Variants in DDX31 observed in about 807,000 individuals in gnomAD.
DDX31 encodes DEAD-box helicase 31.
DDX31 carries 70 observed loss-of-function variants against 91.3 expected under a neutral mutation model. That is an observed-to-expected ratio of 0.77 (90% CI 0.63 to 0.94). DDX31 has a LOEUF of 0.94. DDX31 is among the 40% of genes least tolerant of loss of function. The probability of loss-of-function intolerance (pLI) is 0.00; values close to 1 mark genes in which losing one functional copy is unlikely to be tolerated. For missense variants in DDX31, 902 were observed against 925.0 expected, an observed-to-expected ratio of 0.98 and a Z score of 0.32; for synonymous variants, 362 against 350.6, an observed-to-expected ratio of 1.03 and a Z score of -0.36.
chr9:132,658,544 T>A, intron 6 of DDX31, 127 bp downstream of exon 6: 1 of 825,000 alleles, frequency 1.2e-6, no homozygotes, highest in East Asian at 2.5e-5. Flanking sequence ...AATAAATAAA[T>A]TAAAAGGAGG....
At chr9:132,631,315 C>G (rs76877665) in intron 15 of DDX31, among the ~76,000 whole-genome samples, 25 of 152,246 alleles carry the variant, frequency 1.6e-4, no homozygotes, top group African/African-American at 6.0e-4. Flanking sequence ...GCCTCCCATA[C>G]ATTAAAATTG....
intron 19 of DDX31, among the ~76,000 whole-genome samples, chr9:132,606,721 G>A (rs937949503): frequency 6.6e-6 from 1 of 152,138 alleles, no homozygotes. Flanking sequence ...TAAGTGGCCC[G>A]GCCAGGATTC....
At chr9:132,650,795 C>T (rs1285280375) in intron 8 of DDX31, among the ~76,000 whole-genome samples, 1 of 152,194 alleles carries the variant, frequency 6.6e-6, no homozygotes, top group East Asian at 1.9e-4. Context: ...TACTGGATCA[C>T]CATCAGGCTG....
chr9:132,611,427 G>A (rs1831333039), intron 19 of DDX31, among the ~76,000 whole-genome samples: 1 of 152,178 alleles, frequency 6.6e-6, no homozygotes, highest in South Asian at 2.1e-4. Flanking sequence ...GAGGAAGAAG[G>A]CCTTTTACAA....
At chr9:132,642,597 C>T (rs1015426411) in intron 13 of DDX31, among the ~76,000 whole-genome samples, 7 of 151,580 alleles carry the variant, frequency 4.6e-5, no homozygotes, top group Non-Finnish European at 1.0e-4. Context: ...TGACGTTTCC[C>T]GAGTCTCCAT....
At chr9:132,613,552 G>T (rs1204445068) in intron 18 of DDX31, among the ~76,000 whole-genome samples, 1 of 152,168 alleles carries the variant, frequency 6.6e-6, no homozygotes, top group Non-Finnish European at 1.5e-5. Flanking sequence ...AAATTAGCCG[G>T]ATGTGGTGGC....
In DDX31 at chr9:132,646,078, C is replaced by T. The variant is rs1450978761; in HGVS notation, c.1204-7G>A. ...TCTTCTGGTCTTCCTCAAACTACAT[C>T]GATACAAAGGGAGGAAAAACCGACA... On this transcript the variant is annotated splice_region_variant and splice_polypyrimidine_tract_variant and intron_variant, in intron 12 of 19. Transcript: ENST00000372159. 1 of 1,611,490 alleles carries T rather than the reference C, an allele frequency of 6.2e-7. No homozygotes were observed. The highest frequency in any genetic ancestry group is 8.5e-7 in the Non-Finnish European group (1 of 1,178,282).
chr9:132,615,220 A>G (rs1156457118), intron 18 of DDX31, among the ~76,000 whole-genome samples: 1 of 152,222 alleles, frequency 6.6e-6, no homozygotes, highest in African/African-American at 2.4e-5. Context: ...ACATGGACAC[A>G]TCGTCCTTTT....
At chr9:132,659,869 C>T (rs1011850315) in intron 4 of DDX31, 89 bp from the exon 5 acceptor site, 15 of 1,281,286 alleles carry the variant, frequency 1.2e-5, no homozygotes, top group Non-Finnish European at 1.2e-5. Context: ...ACTGCCCACA[C>T]TTGGATTCAT....
In DDX31 at chr9:132,629,758, C is replaced by G. The variant is rs149667519; in HGVS notation, c.1631+506G>C. 6.7e-3 allele frequency among the ~76,000 whole-genome samples: 1,025 copies of G among 152,322 alleles called. 28 individuals carry two copies. The highest frequency in any genetic ancestry group is 0.02 in the Admixed American group (310 of 15,306). On this transcript the variant is annotated intron_variant, in intron 16 of 19. Coordinates refer to ENST00000372159, the MANE Select transcript of DDX31 (RefSeq NM_022779.9). ...TTACGCAGAGGTATGAGGTGCTGAACTGTGACACACAAGATGGCAGCTGAA... is the reference window on the plus strand; with the variant it reads ...TTACGCAGAGGTATGAGGTGCTGAAGTGTGACACACAAGATGGCAGCTGAA...
At chr9:132,635,805 A>G (rs1180798216) in intron 14 of DDX31, among the ~76,000 whole-genome samples, 1 of 151,718 alleles carries the variant, frequency 6.6e-6, no homozygotes, top group Non-Finnish European at 1.5e-5. Context: ...TTAGCCAGGC[A>G]TGGTGGTGCA....
intron 1 of DDX31, among the ~76,000 whole-genome samples, chr9:132,668,311 T>C (rs1835445758): frequency 6.6e-6 from 1 of 152,184 alleles, no homozygotes; most frequent in South Asian, 2.1e-4. Flanking sequence ...AATGGGATTA[T>C]ATCAATGAAA....
intron 18 of DDX31, among the ~76,000 whole-genome samples, chr9:132,616,383 A>G (rs1240493724): frequency 1.3e-5 from 2 of 152,234 alleles, no homozygotes; most frequent in East Asian, 3.8e-4. Context: ...TTCAATGGTA[A>G]TAACAGTGAA....
intron 6 of DDX31, among the ~76,000 whole-genome samples, chr9:132,654,140 T>TA (rs1834402332): frequency 6.6e-6 from 1 of 152,100 alleles, no homozygotes; most frequent in South Asian, 2.1e-4. Context: ...AACCTTAAAA[T>TA]AAAACACTGA....
At chr9:132,658,968 C>T (rs1834762095) in intron 5 of DDX31, among the ~76,000 whole-genome samples, 1 of 152,188 alleles carries the variant, frequency 6.6e-6, no homozygotes, top group Admixed American at 6.5e-5. Context: ...AGCTTCAGTT[C>T]CTTTATTCAT....
At chr9:132,645,138 T>C (rs998315317) in intron 13 of DDX31, among the ~76,000 whole-genome samples, 1 of 152,190 alleles carries the variant, frequency 6.6e-6, no homozygotes, top group African/African-American at 2.4e-5. Context: ...TAACCTCTCC[T>C]CTAGGGCAAA....
At chr9:132,619,947 C>A (rs1831908312) in intron 17 of DDX31, among the ~76,000 whole-genome samples, 1 of 151,662 alleles carries the variant, frequency 6.6e-6, no homozygotes, top group Non-Finnish European at 1.5e-5. Flanking sequence ...GGACAGAATC[C>A]TCTGTTATTA....
At chr9:132,652,624 G>C (rs376394201) in intron 6 of DDX31, 132 bp from the exon 7 acceptor site, 7 of 1,155,274 alleles carry the variant, frequency 6.1e-6, no homozygotes, top group African/African-American at 1.5e-5. Flanking sequence ...AAATAAGGTT[G>C]CCCACTGATG....
rs201133051 is a variant in DDX31 at position 132,595,048 on chromosome 9, A to C, written c.2059T>G (p.Ser687Ala). Residue 687 changes from serine (S) to alanine (A), a missense_variant, in exon 20 of 20, where the codon TCA becomes GCA. Ser to Ala is a moderately conservative substitution (Grantham distance 99, BLOSUM62 1). Transcript: ENST00000372159. The surrounding 1 kb of genome is among the most constrained non-coding windows in gnomAD (Gnocchi z 4.6). ...GCGATGTCGGCCTCCATGCCGCTTGAGTATTCCGAACGTAGGATTTCAGCG... is the reference window on the plus strand; with the variant it reads ...GCGATGTCGGCCTCCATGCCGCTTGCGTATTCCGAACGTAGGATTTCAGCG... ...SLAEILRSEY[S>A]SGMEADIAKV... 1.4e-5 allele frequency: 22 copies of C among 1,614,204 alleles called. No individual in the cohort carries two copies. In the African/African-American group the frequency reaches 2.7e-4, roughly 20 times the overall value.
Sources: allele counts gnomAD v4.1 joint callset (sites outside exome capture counted in the v4.1 genomes callset), GRCh38; gene constraint gnomAD v4.1.1; non-coding constraint Gnocchi (gnomAD v3.1); transcripts MANE v1.5; gene names NCBI Gene and HGNC (gene_info 2026-07-23, HGNC 2026-07-21).